The following VIRMA variants were observed in gnomAD, a reference collection of about 807,000 sequenced individuals.
VIRMA encodes the protein protein virilizer homolog.
Under a neutral mutation model 182.4 loss-of-function variants are expected in VIRMA, and 65 were observed. The observed-to-expected ratio is 0.36, with a 90% CI of 0.29 to 0.44. VIRMA has a LOEUF of 0.44. VIRMA is among the 20% of genes least tolerant of loss of function. VIRMA has a pLI of 1.00. For missense variants in VIRMA, 1,752 were observed against 2,158.1 expected (o/e 0.81, Z 3.73); for synonymous variants, 709 against 743.1 (o/e 0.95, Z 0.75).
intron 2 of VIRMA, among the ~76,000 whole-genome samples, chr8:94,541,314 G>A (rs1425619356): frequency 6.6e-6 from 1 of 151,738 alleles, no homozygotes; most frequent in Non-Finnish European, 1.5e-5. Flanking sequence ...TAGAGATGAG[G>A]TCTCCAAACT....
chr8:94,549,812 C>T (rs1398709599), intron 1 of VIRMA, among the ~76,000 whole-genome samples: 2 of 152,096 alleles, frequency 1.3e-5, no homozygotes, highest in East Asian at 1.9e-4. Context: ...GAAAACTCAG[C>T]GTGGGCCCTG....
chr8:94,530,507 AAAAGAAAAAAGAAAG>A (rs1331253512), intron 6 of VIRMA, among the ~76,000 whole-genome samples: 9 of 151,960 alleles, frequency 5.9e-5, no homozygotes, highest in African/African-American at 1.7e-4. Context: ...AAAAAAAAAA[AAAAGAAAAAAGAAAG>A]AAAGAAAAAA....
Position 94,519,152 on chromosome 8 carries a change from T to C in VIRMA, c.2346A>G (p.Thr782=), listed in dbSNP as rs779134161. The C allele has an allele frequency of 1.5e-5, 25 of 1,614,046 alleles. No individual in the cohort carries two copies. Among genetic ancestry groups the C allele is most frequent in the Non-Finnish European group, 2.1e-5 (25 of 1,180,014 alleles). The change falls in exon 9 of 24, where the codon ACA becomes ACG. Residue 782 remains threonine (T), a synonymous_variant. Transcript: ENST00000297591. Reference sequence around the variant, plus strand: ...CTGAATGGTCTGTTTCTTCACTGGCTGTACAACGCTGAAAATGGCTGAACA... The same window carrying C: ...CTGAATGGTCTGTTTCTTCACTGGCCGTACAACGCTGAAAATGGCTGAACA... ...TELFSHFQRC[T]ASEETDHSDL...
In VIRMA at chr8:94,511,628, G is replaced by T. The variant is rs143215252; in HGVS notation, c.2947C>A (p.Leu983Met). The part of the protein sequence containing the change: ...IRVLQKLNSI[L>M]TQPWRLHVNM... The stretch of plus-strand genomic sequence containing the variant: ...ACATGGAGCCTCCAAGGCTGAGTCA[G>T]AATACTGTTCAATTTTTGCAGAACT... The change falls in exon 13 of 24, where the codon CTG becomes ATG. Residue 983 changes from leucine to methionine, a missense_variant. Around this residue, in one of 11 missense-constraint regions of VIRMA, gnomAD observed 777 missense variants for 920.6 expected, o/e 0.84. Coordinates refer to ENST00000297591, the MANE Select transcript of VIRMA (RefSeq NM_015496.5). The T allele has an allele frequency of 1.8e-5, 29 of 1,614,126 alleles. No homozygotes were observed. Among genetic ancestry groups the T allele is most frequent in the Middle Eastern group, 3.3e-4 (2 of 6,060 alleles).
chr8:94,537,447 C>T (rs1275785176), intron 3 of VIRMA, among the ~76,000 whole-genome samples: 1 of 151,944 alleles, frequency 6.6e-6, no homozygotes, highest in South Asian at 2.1e-4. Context: ...TACAGTCATA[C>T]AAAAATGTAG....
In VIRMA at chr8:94,488,848, C is replaced by A. The variant is rs769309215; in HGVS notation, c.5297G>T (p.Ser1766Ile). The A allele has an allele frequency of 6.2e-7, 1 of 1,613,622 alleles. No individual in the cohort carries two copies. Reference sequence around the variant, plus strand: ...ACCTCTAGAAGCACGGTCCCGAGGACTTGGGCGGTAACCTGTAAAAGAAAG... The same window carrying A: ...ACCTCTAGAAGCACGGTCCCGAGGAATTGGGCGGTAACCTGTAAAAGAAAG... ...RPLSSTGYRP[S>I]PRDRASRGRG... The change falls in exon 24 of 24, where the codon AGT becomes ATT. Residue 1766 changes from serine (S) to isoleucine (I), a missense_variant. Ser to Ile is a moderately radical substitution (Grantham distance 142). This residue lies in a region of VIRMA where 132 missense variants were observed against 173.8 expected (regional missense o/e 0.76). Coordinates refer to ENST00000297591, the MANE Select transcript of VIRMA (RefSeq NM_015496.5).
chr8:94,527,398 A>T (rs1422832115), intron 7 of VIRMA, 35 bp from the exon 8 acceptor site: 1 of 1,257,212 alleles, frequency 8.0e-7, no homozygotes, highest in East Asian at 2.4e-5. Context: ...TAAGTATTAC[A>T]TCATCTTTGT....
intron 7 of VIRMA, among the ~76,000 whole-genome samples, chr8:94,528,047 A>G (rs1419939932): frequency 6.6e-6 from 1 of 152,056 alleles, no homozygotes; most frequent in Non-Finnish European, 1.5e-5. Context: ...AGCCTGGCCA[A>G]CATGGTGAAA....
At chr8:94,528,104 C>G (rs2381883) in intron 7 of VIRMA, among the ~76,000 whole-genome samples, 6,062 of 151,806 alleles carry the variant, frequency 0.04, 133 homozygotes, top group Non-Finnish European at 0.05. Flanking sequence ...CGTAGGGGTG[C>G]GTGCCTGTAA....
chr8:94,527,230 A>G lies in VIRMA; in HGVS notation c.1014T>C (p.Tyr338=), dbSNP rs766926039. 6.2e-7 allele frequency: 1 copy of G among 1,614,110 alleles called. No individual in the cohort carries two copies. Among genetic ancestry groups the G allele is most frequent in the Non-Finnish European group, 8.5e-7 (1 of 1,179,988 alleles). Residue 338 remains tyrosine (Y), a synonymous_variant, in exon 8 of 24, where the codon TAT becomes TAC. Coordinates refer to ENST00000297591, the MANE Select transcript of VIRMA (RefSeq NM_015496.5). ...GTACAAGCTCCCTGTCATATGGATC[A>G]TATGTCATAGGAGGAACTGAAGCTA... The part of the protein sequence containing the change: ...EDLASVPPMT[Y]DPYDRELVPL...
rs74452815 is a variant in VIRMA at position 94,506,604 on chromosome 8, C to T, written c.3993G>A (p.Leu1331=). ...TGCTCTCAGAGTTAGCTAGCGTAGC[C>T]AACAGACAGTCACAGATTGAGGTCA... ...ELMTSICDCL[L]ATLANSESSY... Residue 1331 remains leucine (L), a synonymous_variant, in exon 16 of 24, where the codon TTG becomes TTA. Transcript: ENST00000297591. The T allele has an allele frequency of 2.5e-6, 4 of 1,613,120 alleles. No homozygotes were observed. The highest frequency in any genetic ancestry group is 4.5e-5 in the East Asian group (2 of 44,836).
intron 1 of VIRMA, among the ~76,000 whole-genome samples, chr8:94,549,677 T>C (rs568002667): frequency 1.4e-4 from 22 of 152,350 alleles, no homozygotes; most frequent in Middle Eastern, 6.8e-3. Context: ...GGACACAGCA[T>C]AGCACTGCCT....
chr8:94,491,897 T>C lies in VIRMA; in HGVS notation c.4821A>G (p.Glu1607=). Residue 1607 remains glutamate, a synonymous_variant, in exon 22 of 24, where the codon GAA becomes GAG. Transcript: ENST00000297591. Reference sequence around the variant, plus strand: ...GAGCTCTTTTGGCAGGTTCAATGTATTCAGATTTTCCACTATTAAAACAAA... The same window carrying C: ...GAGCTCTTTTGGCAGGTTCAATGTACTCAGATTTTCCACTATTAAAACAAA... The part of the protein sequence containing the change: ...ETFITSSGKS[E]YIEPAKRAHV... 1 of 1,557,212 alleles carries C rather than the reference T, an allele frequency of 6.4e-7. No homozygotes were observed. The highest frequency in any genetic ancestry group is 8.7e-7 in the Non-Finnish European group (1 of 1,150,308).
Position 94,495,895 on chromosome 8 carries a change from G to T in VIRMA, c.4384-4C>A. The T allele has an allele frequency of 6.2e-7, 1 of 1,610,566 alleles. No individual in the cohort carries two copies. Among genetic ancestry groups the T allele is most frequent in the Non-Finnish European group, 8.5e-7 (1 of 1,178,734 alleles). On this transcript the variant is annotated splice_polypyrimidine_tract_variant and splice_region_variant and intron_variant, in intron 18 of 23. Coordinates refer to ENST00000297591, the MANE Select transcript of VIRMA (RefSeq NM_015496.5). ...TGTCATCATCTTTTGAATGTTCCTAGATACAAATAAAGGCAGAATAAGAAG... is the reference window on the plus strand; with the variant it reads ...TGTCATCATCTTTTGAATGTTCCTATATACAAATAAAGGCAGAATAAGAAG...
intron 2 of VIRMA, among the ~76,000 whole-genome samples, chr8:94,539,758 T>C (rs1416478446): frequency 6.6e-6 from 1 of 152,126 alleles, no homozygotes; most frequent in Non-Finnish European, 1.5e-5. Context: ...TGCAACAGTG[T>C]TGGGAGGCAA....
chr8:94,514,587 G>T (rs1470153), intron 11 of VIRMA, among the ~76,000 whole-genome samples: 1 of 152,044 alleles, frequency 6.6e-6, no homozygotes, highest in Non-Finnish European at 1.5e-5. Context: ...ATGTCATCAA[G>T]ATGGTAGGTG....
chr8:94,546,941 T>G (rs1157982112), intron 1 of VIRMA: 1 of 455,452 alleles, frequency 2.2e-6, no homozygotes, highest in Non-Finnish European at 4.4e-6. Context: ...TAGCTTACCA[T>G]GCTTTTCTCA....
At chr8:94,553,330 T>C (rs1816073963) in intron 1 of VIRMA, 55 bp downstream of exon 1, 1 of 1,566,384 alleles carries the variant, frequency 6.4e-7, no homozygotes, top group Non-Finnish European at 8.8e-7. Context: ...TAACGGTTTT[T>C]TTGTAAAGAT....
At position 94,510,543 on chromosome 8, in the gene VIRMA, C is replaced by T. The variant is rs746445810; in HGVS notation, c.3500G>A (p.Gly1167Asp). The T allele has an allele frequency of 2.5e-6, 4 of 1,614,002 alleles. No homozygotes were observed. Among genetic ancestry groups the T allele is most frequent in the Non-Finnish European group, 3.4e-6 (4 of 1,179,976 alleles). Residue 1167 changes from glycine to aspartate, a missense_variant, in exon 14 of 24, where the codon GGC (glycine) becomes GAC (aspartate). Physicochemically the swap from Gly to Asp is moderately conservative, Grantham distance 94. Coordinates refer to ENST00000297591, the MANE Select transcript of VIRMA (RefSeq NM_015496.5). Reference sequence around the variant, plus strand: ...ATGTTGAATGGGCTGGCAGGTTGTGCCAGAGAAAGAGCGAACTATTTCTTG... The same window carrying T: ...ATGTTGAATGGGCTGGCAGGTTGTGTCAGAGAAAGAGCGAACTATTTCTTG... ...LLQEIVRSFS[G>D]TTCQPIQHML...
Sources: allele counts gnomAD v4.1 joint callset (sites outside exome capture counted in the v4.1 genomes callset), GRCh38; gene constraint gnomAD v4.1.1; regional missense constraint gnomAD v4.1.1; transcripts MANE v1.5; gene names NCBI Gene and HGNC (gene_info 2026-07-23, HGNC 2026-07-21).